IPO11: variants seen among roughly 807,000 people sequenced by gnomAD.
IPO11 encodes importin 11.
Under a neutral mutation model 143.2 loss-of-function variants are expected in IPO11, and 66 were observed. The observed-to-expected ratio is 0.46, with a 90% confidence interval of 0.38 to 0.57. The LOEUF is 0.57. Among genes scored for constraint, IPO11 ranks in the 20% least tolerant of loss-of-function variants. IPO11 has a pLI of 0.00. For synonymous variants in IPO11, 385 were observed against 377.8 expected (o/e 1.02, Z -0.22); for missense variants, 1,026 against 1,141.0 (o/e 0.90, Z 1.45).
chr5:62,514,736 GCATCATTGTAGATCCAT>G (rs1741945796), intron 19 of IPO11, among the ~76,000 whole-genome samples: 1 of 152,252 alleles, frequency 6.6e-6, no homozygotes, highest in Non-Finnish European at 1.5e-5. Flanking sequence ...ACGCTGTCCA[GCATCATTGTAGATCCAT>G]TTTATTTTTC....
intron 14 of IPO11, 64 bp from the exon 15 acceptor site, chr5:62,490,051 A>G (rs1035846986): frequency 9.3e-6 from 8 of 857,862 alleles, no homozygotes; most frequent in African/African-American, 3.5e-5. Context: ...CATATGTTTC[A>G]TACACTCATT....
intron 2 of IPO11, among the ~76,000 whole-genome samples, chr5:62,439,379 C>T (rs1291103755): frequency 6.7e-6 from 1 of 150,188 alleles, no homozygotes; most frequent in Non-Finnish European, 1.5e-5. Context: ...CTCCGCCTCC[C>T]AGGTTCATGC....
chr5:62,495,507 CTTT>C (rs1268474562), intron 16 of IPO11, among the ~76,000 whole-genome samples: 1 of 152,100 alleles, frequency 6.6e-6, no homozygotes, highest in Non-Finnish European at 1.5e-5. Flanking sequence ...CTGAGTCTCT[CTTT>C]TTTGCCTCGG....
chr5:62,523,931 A>G (rs1742283537), intron 20 of IPO11, among the ~76,000 whole-genome samples: 1 of 152,094 alleles, frequency 6.6e-6, no homozygotes, highest in Admixed American at 6.5e-5. Flanking sequence ...CTTCTGTGGA[A>G]AAAATTATAG....
chr5:62,534,930 CT>C (rs1742682858), intron 22 of IPO11, among the ~76,000 whole-genome samples: 1 of 151,970 alleles, frequency 6.6e-6, no homozygotes, highest in African/African-American at 2.4e-5. Flanking sequence ...TCTTTAGAGT[CT>C]CACTAGGAAC....
chr5:62,455,824 A>C (rs1212807424), intron 5 of IPO11, among the ~76,000 whole-genome samples: 1 of 151,806 alleles, frequency 6.6e-6, no homozygotes, highest in Non-Finnish European at 1.5e-5. Flanking sequence ...TCCTAGCTTC[A>C]AGCAATTCTT....
chr5:62,608,824 G>T (rs1745826639), intron 29 of IPO11, among the ~76,000 whole-genome samples: 1 of 152,126 alleles, frequency 6.6e-6, no homozygotes. Context: ...CATTCTATGG[G>T]TCTTAATAAA....
intron 20 of IPO11, among the ~76,000 whole-genome samples, chr5:62,520,862 T>A (rs1308543938): frequency 5.9e-5 from 9 of 152,260 alleles, no homozygotes; most frequent in Admixed American, 5.9e-4. Context: ...CCTTTGGGTG[T>A]ATACCCAGTA....
chr5:62,566,516 T>TA (rs1322111498), intron 27 of IPO11, among the ~76,000 whole-genome samples: 3 of 152,058 alleles, frequency 2.0e-5, no homozygotes, highest in Non-Finnish European at 2.9e-5. Context: ...GCAGATCACT[T>TA]AAAGCCAGGA....
At chr5:62,436,390 G>A (rs1744236165) in intron 1 of IPO11, among the ~76,000 whole-genome samples, 3 of 152,188 alleles carry the variant, frequency 2.0e-5, no homozygotes, top group Admixed American at 2.0e-4. Context: ...TATCAATACA[G>A]TACAACGCTA....
Position 62,551,222 on chromosome 5 carries a change from G to C in IPO11, c.2347-1G>C, listed in dbSNP as rs1314534990. On this transcript the variant is annotated splice_acceptor_variant, in intron 25 of 29. Coordinates refer to ENST00000325324, the MANE Select transcript of IPO11 (RefSeq NM_016338.5). LOFTEE classifies it high-confidence loss of function. ...ACATGTGTTGTATTTTAATTGTACA[G>C]AGGTATCCTGTAGTGATGTCCACGT... 6.5e-7 allele frequency: 1 copy of C among 1,540,278 alleles called. No individual in the cohort carries two copies. The highest frequency in any genetic ancestry group is 9.0e-7 in the Non-Finnish European group (1 of 1,115,512).
At chr5:62,572,568 T>TA (rs1318668881) in intron 27 of IPO11, among the ~76,000 whole-genome samples, 1 of 150,946 alleles carries the variant, frequency 6.6e-6, no homozygotes, top group African/African-American at 2.4e-5. Context: ...TTTATTTATT[T>TA]ATTTATTTAT....
At chr5:62,482,262 G>A (rs544669315) in intron 9 of IPO11, among the ~76,000 whole-genome samples, 4 of 152,080 alleles carry the variant, frequency 2.6e-5, no homozygotes, top group Non-Finnish European at 5.9e-5. Flanking sequence ...ATTTTTTGAA[G>A]GGTTTTTTTG....
intron 9 of IPO11, among the ~76,000 whole-genome samples, chr5:62,477,847 A>G (rs1312157034): frequency 1.3e-5 from 2 of 152,256 alleles, no homozygotes; most frequent in Admixed American, 6.5e-5. Context: ...TCTGTAATTT[A>G]TTCTACTTAA....
intron 26 of IPO11, among the ~76,000 whole-genome samples, chr5:62,558,434 A>G (rs1354260693): frequency 2.0e-5 from 3 of 152,208 alleles, no homozygotes; most frequent in South Asian, 4.1e-4. Flanking sequence ...AACTTTTACT[A>G]TTTCAACAAA....
intron 27 of IPO11, among the ~76,000 whole-genome samples, chr5:62,588,908 C>G (rs1423417039): frequency 2.6e-5 from 4 of 152,182 alleles, no homozygotes; most frequent in Admixed American, 2.6e-4. Context: ...CCACTTGGCT[C>G]CAACTGCTTA....
chr5:62,578,808 AAAG>A, intron 27 of IPO11: 1 of 433,898 alleles, frequency 2.3e-6, no homozygotes, highest in Non-Finnish European at 4.6e-6. Flanking sequence ...AAAAAAAAAA[AAAG>A]TGGTGGGGTG....
At chr5:62,495,796 G>C (rs1030905646) in intron 16 of IPO11, among the ~76,000 whole-genome samples, 1 of 152,030 alleles carries the variant, frequency 6.6e-6, no homozygotes, top group Non-Finnish European at 1.5e-5. Context: ...TCTTAGACTT[G>C]TTTTATAATG....
chr5:62,571,910 T>G (rs1468223280), intron 27 of IPO11, among the ~76,000 whole-genome samples: 2 of 152,136 alleles, frequency 1.3e-5, no homozygotes, highest in South Asian at 2.1e-4. Context: ...GGTCTTCAAC[T>G]CCTGACCTCA....
Sources: gnomAD v4.1 joint callset for allele counts (sites outside exome capture counted in the v4.1 genomes callset) on GRCh38, gnomAD v4.1.1 for gene constraint, MANE v1.5 for transcripts, NCBI Gene and HGNC (gene_info 2026-07-23, HGNC 2026-07-21) for gene names.